The following PLCB4 variants were observed in gnomAD, a reference collection of about 807,000 sequenced individuals.
PLCB4 encodes the protein 1-phosphatidylinositol 4,5-bisphosphate phosphodiesterase beta-4.
In PLCB4, 77 loss-of-function variants were observed where a neutral mutation model predicts 178.8. That is an observed-to-expected ratio of 0.43 (90% CI 0.36 to 0.52). The LOEUF is 0.52. PLCB4 is among the 20% of genes least tolerant of loss of function. The pLI is 0.00. For missense variants in PLCB4, 1,024 were observed against 1,453.4 expected, an observed-to-expected ratio of 0.70 and a Z score of 4.80; for synonymous variants, 496 against 490.8, an observed-to-expected ratio of 1.01 and a Z score of -0.14.
chr20:9,135,953 A>G (rs943819171), intron 2 of PLCB4, among the ~76,000 whole-genome samples: 11 of 152,188 alleles, frequency 7.2e-5, no homozygotes, highest in Non-Finnish European at 1.5e-4. Flanking sequence ...TTCATTTGAC[A>G]GATGAGAAAA....
chr20:9,222,666 T>C (rs2093814203), intron 3 of PLCB4, among the ~76,000 whole-genome samples: 1 of 152,190 alleles, frequency 6.6e-6, no homozygotes, highest in African/African-American at 2.4e-5. Flanking sequence ...AATGTAAACA[T>C]TATGGAGGTT....
intron 2 of PLCB4, among the ~76,000 whole-genome samples, chr20:9,203,056 AAT>A (rs55690764): frequency 0.022 from 2,734 of 126,072 alleles, 70 homozygotes; most frequent in South Asian, 0.093. Context: ...AAAAAAAAAA[AAT>A]ATATATATAT....
At position 9,306,785 on chromosome 20, in the gene PLCB4, T is replaced by C. The variant is rs572806895; in HGVS notation, c.-15-1015T>C. On this transcript the variant is annotated intron_variant, in intron 3 of 39. Transcript: ENST00000378473. Reference sequence around the variant, plus strand: ...CCATGGTGCATGTTGCCAACAAGGATGGGTAAAAGGAACGCTGAGTTCTTC... The same window carrying C: ...CCATGGTGCATGTTGCCAACAAGGACGGGTAAAAGGAACGCTGAGTTCTTC... Among the ~76,000 whole-genome samples the C allele has an allele frequency of 4.7e-4, 72 of 152,252 alleles. No individual in the cohort carries two copies. In the South Asian group the frequency reaches 6.4e-3, roughly 14 times the overall value.
intron 12 of PLCB4, among the ~76,000 whole-genome samples, chr20:9,379,492 ATAGT>A (rs1028958112): frequency 7.9e-5 from 12 of 152,176 alleles, no homozygotes; most frequent in Non-Finnish European, 1.3e-4. Context: ...TTTGAAAAAA[ATAGT>A]TACTCAAGAA....
Position 9,382,634 on chromosome 20 carries a change from C to T in PLCB4, c.854-1567C>T, listed in dbSNP as rs549739311. Among the ~76,000 whole-genome samples the T allele has an allele frequency of 7.9e-5, 12 of 152,282 alleles. No homozygotes were observed. The South Asian group carries it at 8.3e-4, about 11-fold the overall frequency. ...TGGACTGGTGTTTCCTGGGTGTGCA[C>T]GTGGCTTGCTCCTCACACATGTACG... On this transcript the variant is annotated intron_variant, in intron 13 of 39. Transcript: ENST00000378473.
intron 3 of PLCB4, among the ~76,000 whole-genome samples, chr20:9,244,485 A>T (rs2094102956): frequency 6.6e-6 from 1 of 152,190 alleles, no homozygotes; most frequent in African/African-American, 2.4e-5. Flanking sequence ...AGATGAAAAC[A>T]AGTGATTTGT....
intron 3 of PLCB4, among the ~76,000 whole-genome samples, chr20:9,274,751 C>T (rs2094436725): frequency 6.6e-6 from 1 of 152,006 alleles, no homozygotes; most frequent in African/African-American, 2.4e-5. Context: ...CTCTATGGTT[C>T]TAGAGAGCAG....
At chr20:9,362,625 A>G (rs1602111022) in intron 7 of PLCB4, among the ~76,000 whole-genome samples, 1 of 152,250 alleles carries the variant, frequency 6.6e-6, no homozygotes, top group African/African-American at 2.4e-5. Context: ...AGAAAGCTTC[A>G]CAAGTCAGTC....
At chr20:9,254,179 G>A (rs1241176068) in intron 3 of PLCB4, among the ~76,000 whole-genome samples, 1 of 152,106 alleles carries the variant, frequency 6.6e-6, no homozygotes, top group Non-Finnish European at 1.5e-5. Flanking sequence ...ATAAAAGTTA[G>A]GCTGTGTAAT....
At chr20:9,275,076 A>T (rs1313220182) in intron 3 of PLCB4, among the ~76,000 whole-genome samples, 1 of 152,006 alleles carries the variant, frequency 6.6e-6, no homozygotes, top group Non-Finnish European at 1.5e-5. Flanking sequence ...GATATTTCTT[A>T]TTGTATTAGC....
At chr20:9,371,965 A>T (rs1352609798) in intron 10 of PLCB4, among the ~76,000 whole-genome samples, 1 of 152,230 alleles carries the variant, frequency 6.6e-6, no homozygotes, top group Non-Finnish European at 1.5e-5. Flanking sequence ...TTTATTCAGC[A>T]TCCCTCAGGC....
chr20:9,079,365 G>A (rs1361326311), intron 1 of PLCB4, among the ~76,000 whole-genome samples: 1 of 152,084 alleles, frequency 6.6e-6, no homozygotes, highest in Admixed American at 6.5e-5. Flanking sequence ...GTGACGGGGA[G>A]TTAGTCCTAC....
chr20:9,221,210 C>T (rs763580581), intron 3 of PLCB4, among the ~76,000 whole-genome samples: 1 of 151,982 alleles, frequency 6.6e-6, no homozygotes, highest in Non-Finnish European at 1.5e-5. Flanking sequence ...TGCAGTGGGC[C>T]GCTCTGGAAC....
At chr20:9,418,296 A>C (rs960671527) in intron 25 of PLCB4, among the ~76,000 whole-genome samples, 1 of 152,074 alleles carries the variant, frequency 6.6e-6, no homozygotes, top group African/African-American at 2.4e-5. Context: ...TCTTGCATTT[A>C]GTTATTTTAT....
At chr20:9,466,699 T>A (rs1348729193) in intron 35 of PLCB4, among the ~76,000 whole-genome samples, 2 of 152,188 alleles carry the variant, frequency 1.3e-5, no homozygotes, top group Non-Finnish European at 1.5e-5. Flanking sequence ...TCACTGGTCA[T>A]CAGAGAAATG....
intron 1 of PLCB4, among the ~76,000 whole-genome samples, chr20:9,085,270 A>G (rs1600289190): frequency 6.6e-6 from 1 of 152,268 alleles, no homozygotes; most frequent in African/African-American, 2.4e-5. Flanking sequence ...TATGTGCGTG[A>G]ACTTTCAGTG....
intron 35 of PLCB4, among the ~76,000 whole-genome samples, chr20:9,461,514 C>T (rs1447559887): frequency 2.0e-5 from 3 of 152,180 alleles, no homozygotes; most frequent in African/African-American, 4.8e-5. Flanking sequence ...CAAAGGAAGC[C>T]GTGACAGACT....
chr20:9,103,708 C>T (rs1600425358), intron 2 of PLCB4, among the ~76,000 whole-genome samples: 1 of 152,176 alleles, frequency 6.6e-6, no homozygotes, highest in African/African-American at 2.4e-5. Context: ...AGAGTATTTC[C>T]AGTTTTGCCA....
chr20:9,249,283 C>T (rs1360931862), intron 3 of PLCB4, among the ~76,000 whole-genome samples: 2 of 151,672 alleles, frequency 1.3e-5, no homozygotes, highest in African/African-American at 2.4e-5. Flanking sequence ...AGGTTTGTTA[C>T]GTATGTATAC....
Sources: gnomAD v4.1 joint callset for allele counts (sites outside exome capture counted in the v4.1 genomes callset) on GRCh38, gnomAD v4.1.1 for gene constraint, MANE v1.5 for transcripts, NCBI Gene and HGNC (gene_info 2026-07-23, HGNC 2026-07-21) for gene names.